Variants in ST14 observed in about 807,000 individuals in gnomAD.
The protein encoded by ST14 is ST14 transmembrane serine protease matriptase.
In ST14, 40 loss-of-function variants were observed where a neutral mutation model predicts 96.5. The ratio of observed to expected loss-of-function variants is 0.41; its 90% CI spans 0.32 to 0.54. ST14 has a LOEUF of 0.54. Ranked by LOEUF, ST14 falls within the 20% of genes least tolerant of loss-of-function variation. The pLI is 0.17. For missense variants in ST14, 1,066 were observed against 1,188.9 expected (o/e 0.90, Z 1.52); for synonymous variants, 506 against 492.1 (o/e 1.03, Z -0.37).
intron 1 of ST14, among the ~76,000 whole-genome samples, chr11:130,177,789 G>T (rs1953154733): frequency 6.6e-6 from 1 of 152,208 alleles, no homozygotes; most frequent in Non-Finnish European, 1.5e-5. Context: ...GAAGAGGGTG[G>T]CAGTTTGTTT....
chr11:130,169,281 G>C (rs1953068407), intron 1 of ST14, among the ~76,000 whole-genome samples: 1 of 152,072 alleles, frequency 6.6e-6, no homozygotes, highest in African/African-American at 2.4e-5. Context: ...TTTTAGTAGA[G>C]ACAGGGTTTC....
intron 16 of ST14, among the ~76,000 whole-genome samples, chr11:130,205,513 A>G (rs1953476025): frequency 6.6e-6 from 1 of 152,004 alleles, no homozygotes; most frequent in South Asian, 2.1e-4. Flanking sequence ...ACCCGCATGT[A>G]TTTTTCAGAA....
chr11:130,192,364 C>T (rs1038460803), intron 7 of ST14, among the ~76,000 whole-genome samples: 1 of 152,214 alleles, frequency 6.6e-6, no homozygotes, highest in Non-Finnish European at 1.5e-5. Context: ...AGTCACTCGT[C>T]ATCTTACTGT....
At position 130,196,556 on chromosome 11, in the gene ST14, C is replaced by T. The variant is rs533187706; in HGVS notation, c.1224-14C>T. 60 of 1,491,106 alleles carry T rather than the reference C, an allele frequency of 4.0e-5. No individual in the cohort carries two copies. In the East Asian group the frequency reaches 6.8e-4, roughly 17 times the overall value. 92.4% of individuals were successfully genotyped at this position (1,491,106 alleles called of 1,614,324 possible). A position where few individuals can be genotyped will look rare whatever the true frequency, so the allele number is the denominator to read the frequency against. ...AGCTGTCCCTCCTCACCTTGTGCCC[C>T]GCCCCCCCTCCAGATACTGCGGAGA... On this transcript the variant is annotated splice_polypyrimidine_tract_variant and intron_variant, in intron 10 of 18. Transcript: ENST00000278742.
At chr11:130,161,873 C>T (rs888117744) in intron 1 of ST14, among the ~76,000 whole-genome samples, 4 of 152,158 alleles carry the variant, frequency 2.6e-5, no homozygotes, top group African/African-American at 9.7e-5. Context: ...GTCTTGAGAG[C>T]GAAACTAAGA....
At chr11:130,208,323 C>G in intron 16 of ST14, 87 bp from the exon 17 acceptor site, 1 of 1,585,348 alleles carries the variant, frequency 6.3e-7, no homozygotes, top group Non-Finnish European at 8.7e-7. Context: ...CTCATCCATG[C>G]GGAATCCTCT....
At position 130,209,678 on chromosome 11, in the gene ST14, C is replaced by A. The variant is rs1018137789; in HGVS notation, c.2423C>A (p.Pro808His). The A allele has an allele frequency of 6.2e-7, 1 of 1,613,072 alleles. No homozygotes were observed. Among genetic ancestry groups the A allele is most frequent in the Non-Finnish European group, 8.5e-7 (1 of 1,179,794 alleles). Reference sequence around the variant, plus strand: ...TCCGCCCAGGGTGATTCCGGGGGACCCCTGTCCAGCGTGGAGGCGGATGGG... The same window carrying A: ...TCCGCCCAGGGTGATTCCGGGGGACACCTGTCCAGCGTGGAGGCGGATGGG... Reference protein sequence around the residue: ...VDSCQGDSGGPLSSVEADGRI... With the variant: ...VDSCQGDSGGHLSSVEADGRI... Residue 808 changes from proline to histidine, a missense_variant, in exon 19 of 19, where the codon CCC becomes CAC. Transcript: ENST00000278742.
chr11:130,175,652 G>A (rs567390498), intron 1 of ST14, among the ~76,000 whole-genome samples: 12 of 149,962 alleles, frequency 8.0e-5, no homozygotes, highest in Non-Finnish European at 1.3e-4. Flanking sequence ...AAATGCTGGT[G>A]GGATTACAGG....
chr11:130,161,040 T>C (rs1268902805), intron 1 of ST14, among the ~76,000 whole-genome samples: 2 of 152,200 alleles, frequency 1.3e-5, no homozygotes, highest in East Asian at 3.9e-4. Context: ...CTCCATAGTC[T>C]CCGCCGTTGC....
intron 14 of ST14, 137 bp from the exon 15 acceptor site, chr11:130,198,810 G>A: frequency 1.3e-6 from 2 of 1,562,936 alleles, no homozygotes; most frequent in Non-Finnish European, 1.7e-6. Flanking sequence ...AGGGCAGGGA[G>A]GCCAGTGGGC....
rs1208786931 is a variant in ST14, at chr11:130,209,819, T to A, written c.2564T>A (p.Val855Glu). ...GACTGGATCAAAGAGAACACTGGGG[T>A]ATAGGGGCCGGGGCCACCCAAATGT... The part of the protein sequence containing the change: ...FRDWIKENTG[V>E] Residue 855 changes from valine to glutamate, a missense_variant, in exon 19 of 19, where the codon GTA (valine) becomes GAA (glutamate). Physicochemically the swap from Val to Glu is moderately radical, Grantham distance 121 (BLOSUM62 -2). Transcript: ENST00000278742. The A allele has an allele frequency of 3.1e-6, 5 of 1,613,488 alleles. No individual in the cohort carries two copies. Among genetic ancestry groups the A allele is most frequent in the Non-Finnish European group, 4.2e-6 (5 of 1,180,000 alleles).
chr11:130,177,419 C>T (rs1012809164), intron 1 of ST14, among the ~76,000 whole-genome samples: 1 of 151,980 alleles, frequency 6.6e-6, no homozygotes, highest in Non-Finnish European at 1.5e-5. Context: ...AAAAATTAGC[C>T]AGGTGCGGTG....
At chr11:130,161,567 G>T (rs964950152) in intron 1 of ST14, among the ~76,000 whole-genome samples, 5 of 152,004 alleles carry the variant, frequency 3.3e-5, no homozygotes, top group Non-Finnish European at 7.4e-5. Context: ...AGCCAGGCTG[G>T]GGCTCACCTT....
intron 1 of ST14, among the ~76,000 whole-genome samples, chr11:130,179,507 C>T (rs1207842977): frequency 1.3e-5 from 2 of 152,166 alleles, no homozygotes. Context: ...TTATGAGGCC[C>T]CGTGCTGGGC....
At chr11:130,174,433 C>T (rs981943971) in intron 1 of ST14, among the ~76,000 whole-genome samples, 1 of 151,698 alleles carries the variant, frequency 6.6e-6, no homozygotes, top group Non-Finnish European at 1.5e-5. Flanking sequence ...GAATTTTGAA[C>T]CCAAATCTAT....
intron 1 of ST14, among the ~76,000 whole-genome samples, chr11:130,175,645 T>C (rs1953130054): frequency 6.6e-6 from 1 of 151,484 alleles, no homozygotes; most frequent in African/African-American, 2.4e-5. Context: ...CCTCCCAAAA[T>C]GCTGGTGGGA....
At position 130,173,572 on chromosome 11, in the gene ST14, C is replaced by T. The variant is rs190904667; in HGVS notation, c.81+13512C>T. 2.5e-4 allele frequency among the ~76,000 whole-genome samples: 37 copies of T among 149,034 alleles called. No homozygotes were observed. In the East Asian group the frequency reaches 5.1e-3, roughly 21 times the overall value. Reference sequence around the variant, plus strand: ...GATGGTGCCACTGCACTCCAGACTGCGTGACAGAGCGAGACTCTGTCTCAA... The same window carrying T: ...GATGGTGCCACTGCACTCCAGACTGTGTGACAGAGCGAGACTCTGTCTCAA... On this transcript the variant is annotated intron_variant, in intron 1 of 18. Transcript: ENST00000278742.
At chr11:130,162,856 G>T (rs1487229141) in intron 1 of ST14, among the ~76,000 whole-genome samples, 2 of 152,170 alleles carry the variant, frequency 1.3e-5, no homozygotes, top group Non-Finnish European at 2.9e-5. Context: ...AGGGCTGCAG[G>T]CATCTGTGAT....
chr11:130,188,271 AGT>A lies in ST14; in HGVS notation c.241+2_241+3del. The A allele has an allele frequency of 1.2e-6, 2 of 1,612,986 alleles. No individual in the cohort carries two copies. Among genetic ancestry groups the A allele is most frequent in the Non-Finnish European group, 1.7e-6 (2 of 1,179,270 alleles). ...ATCGGCTTCCTGGTGTGGCATTTGC[AGT>A]GTGAGTAAAGCTGGGGCTGGCTCCG... On this transcript the variant is annotated frameshift_variant and splice_region_variant, in exon 2 of 19. Coordinates refer to ENST00000278742, the MANE Select transcript of ST14 (RefSeq NM_021978.4). LOFTEE classifies it high-confidence loss of function. The surrounding 1 kb of genome is among the most constrained non-coding windows in gnomAD (Gnocchi z 5.4).
Sources: allele counts gnomAD v4.1 joint callset (sites outside exome capture counted in the v4.1 genomes callset), GRCh38; gene constraint gnomAD v4.1.1; non-coding constraint Gnocchi (gnomAD v3.1); transcripts MANE v1.5; gene names NCBI Gene and HGNC (gene_info 2026-07-23, HGNC 2026-07-21).